Variants in EYS observed in about 807,000 individuals in gnomAD.
EYS encodes protein eyes shut homolog.
EYS carries 250 observed loss-of-function variants against 282.1 expected under a neutral mutation model. The observed-to-expected ratio is 0.89, with a 90% CI of 0.80 to 0.98. The LOEUF (loss-of-function observed/expected upper bound fraction) is 0.98. Ranked by LOEUF, EYS falls within the 50% of genes least tolerant of loss-of-function variation. The probability of loss-of-function intolerance (pLI) is 0.00; values close to 1 mark genes in which losing one functional copy is unlikely to be tolerated. For synonymous variants in EYS, 1,355 were observed against 1,282.9 expected (o/e 1.06, Z -1.20); for missense variants, 4,016 against 3,709.0 (o/e 1.08, Z -2.15).
chr6:64,843,374 A>G (rs1765623558), intron 19 of EYS, among the ~76,000 whole-genome samples: 1 of 152,140 alleles, frequency 6.6e-6, no homozygotes, highest in Non-Finnish European at 1.5e-5. Flanking sequence ...CAGACACTCA[A>G]TGCCAGCCTG....
In EYS at chr6:65,198,067, T is replaced by G. The variant is rs1765812162; in HGVS notation, c.2023+97796A>C. Among the ~76,000 whole-genome samples the G allele has an allele frequency of 2.0e-5, 3 of 152,250 alleles. No individual in the cohort carries two copies. In the South Asian group the frequency reaches 6.2e-4, roughly 32 times the overall value. ...ACATTGTACAGCTCTCCAAAAATAT[T>G]TAATTTATTTATATAGGCTTTTTTC... On this transcript the variant is annotated intron_variant, in intron 12 of 42. Coordinates refer to ENST00000503581, the MANE Select transcript of EYS (RefSeq NM_001142800.2).
chr6:64,864,080 TA>T (rs1766335412), intron 19 of EYS, among the ~76,000 whole-genome samples: 1 of 152,150 alleles, frequency 6.6e-6, no homozygotes, highest in Non-Finnish European at 1.5e-5. Context: ...GAAAAGCCTT[TA>T]AAATATATTT....
intron 12 of EYS, among the ~76,000 whole-genome samples, chr6:65,099,532 G>A (rs1003724148): frequency 6.6e-6 from 1 of 150,650 alleles, no homozygotes; most frequent in African/African-American, 2.4e-5. Context: ...TAAAAAAGTA[G>A]ATGAATGGCA....
chr6:63,908,608 G>C (rs1320386928), intron 35 of EYS, among the ~76,000 whole-genome samples: 2 of 151,690 alleles, frequency 1.3e-5, no homozygotes, highest in Non-Finnish European at 2.9e-5. Context: ...CCACCACCAC[G>C]CTCGGCTAAT....
At chr6:65,151,995 T>A (rs188221198) in intron 12 of EYS, among the ~76,000 whole-genome samples, 8 of 152,046 alleles carry the variant, frequency 5.3e-5, no homozygotes, top group Admixed American at 4.6e-4. Context: ...ATTAAAGAGA[T>A]CAATGTTAGT....
intron 31 of EYS, among the ~76,000 whole-genome samples, chr6:64,083,878 C>T (rs1582244215): frequency 6.6e-6 from 1 of 152,092 alleles, no homozygotes; most frequent in Admixed American, 6.6e-5. Flanking sequence ...GCTGGGATTA[C>T]AGTCATGTGC....
At chr6:63,841,322 G>C (rs1771951870) in intron 36 of EYS, among the ~76,000 whole-genome samples, 1 of 152,000 alleles carries the variant, frequency 6.6e-6, no homozygotes, top group African/African-American at 2.4e-5. Context: ...ATATTCATGG[G>C]ATTCAGAGTA....
Position 64,638,339 on chromosome 6 carries a change from C to G in EYS, c.3444-12094G>C, listed in dbSNP as rs1460663569. On this transcript the variant is annotated intron_variant, in intron 22 of 42. Transcript: ENST00000503581. The stretch of plus-strand genomic sequence containing the variant: ...TTGTTCCTTTCTAAAGAAGCTATGA[C>G]TAGACTCTCTATTAAATCTAAAATA... Among the ~76,000 whole-genome samples, 2 of 90,780 alleles carry G rather than the reference C, an allele frequency of 2.2e-5. 1 individual carries two copies. The highest frequency in any genetic ancestry group is 0.011 in the Middle Eastern group (2 of 188). The allele number at this position is 90,780 out of a possible 152,430, so 59.6% of individuals were successfully genotyped here.
At chr6:65,651,798 T>A (rs73742030) in intron 1 of EYS, among the ~76,000 whole-genome samples, 7,893 of 152,120 alleles carry the variant, frequency 0.052, 643 homozygotes, top group African/African-American at 0.17. Flanking sequence ...GCTGTAGTTG[T>A]GTAACCAGTC....
intron 29 of EYS, among the ~76,000 whole-genome samples, chr6:64,328,171 T>G (rs1400450149): frequency 6.6e-6 from 1 of 152,210 alleles, no homozygotes; most frequent in Admixed American, 6.5e-5. Flanking sequence ...GCAGTCCATT[T>G]CCTAATTCAC....
chr6:63,938,202 A>G (rs1454659661), intron 35 of EYS, among the ~76,000 whole-genome samples: 2 of 152,240 alleles, frequency 1.3e-5, no homozygotes, highest in South Asian at 2.1e-4. Flanking sequence ...CTAATGCTAC[A>G]GGAATAACGC....
At chr6:63,944,964 G>T (rs927968933) in intron 35 of EYS, among the ~76,000 whole-genome samples, 17 of 151,560 alleles carry the variant, frequency 1.1e-4, no homozygotes, top group Non-Finnish European at 2.1e-4. Context: ...AATAAAAGAA[G>T]TATATTTACA....
At chr6:64,338,906 G>T (rs1340118530) in intron 29 of EYS, among the ~76,000 whole-genome samples, 1 of 151,958 alleles carries the variant, frequency 6.6e-6, no homozygotes, top group African/African-American at 2.4e-5. Flanking sequence ...TTTAACAAAT[G>T]GTGCTGAGAT....
chr6:64,358,907 T>A (rs1175753819), intron 29 of EYS, among the ~76,000 whole-genome samples: 2 of 151,730 alleles, frequency 1.3e-5, no homozygotes, highest in Non-Finnish European at 3.0e-5. Context: ...TGATCATCCA[T>A]AATTTTGTCA....
chr6:65,630,193 T>G (rs1766862846), intron 2 of EYS, among the ~76,000 whole-genome samples: 1 of 152,222 alleles, frequency 6.6e-6, no homozygotes, highest in Admixed American at 6.5e-5. Context: ...TCACTGTGGT[T>G]GTCTTGTGTC....
rs962845552 is a variant in EYS at position 65,560,380 on chromosome 6, T to C, written c.-332-64387A>G. Among the ~76,000 whole-genome samples the C allele has an allele frequency of 4.8e-5, 7 of 146,742 alleles. No individual in the cohort carries two copies. In the East Asian group the frequency reaches 1.4e-3, roughly 29 times the overall value. ...TATAACATAAAATAATACATTATTA[T>C]ATATTGTATATAATATATAACATAA... On this transcript the variant is annotated intron_variant, in intron 2 of 42. Transcript: ENST00000503581.
intron 12 of EYS, among the ~76,000 whole-genome samples, chr6:65,088,270 T>C (rs907499283): frequency 2.0e-5 from 3 of 151,824 alleles, no homozygotes; most frequent in African/African-American, 7.3e-5. Context: ...AACTGGGCAA[T>C]AGGAAGAGGT....
At chr6:65,704,466 A>G (rs1156507105) in intron 1 of EYS, among the ~76,000 whole-genome samples, 1 of 152,240 alleles carries the variant, frequency 6.6e-6, no homozygotes, top group Non-Finnish European at 1.5e-5. Flanking sequence ...CAACAAGTTC[A>G]GTTACAATTA....
intron 2 of EYS, among the ~76,000 whole-genome samples, chr6:65,525,055 A>AT (rs35986893): frequency 0.35 from 50,811 of 146,182 alleles, 8,753 homozygotes; most frequent in Middle Eastern, 0.47. Flanking sequence ...TTCTAAACTG[A>AT]TTTTTTTTTT....
Sources: allele counts gnomAD v4.1 joint callset (sites outside exome capture counted in the v4.1 genomes callset), GRCh38; gene constraint gnomAD v4.1.1; transcripts MANE v1.5; gene names NCBI Gene and HGNC (gene_info 2026-07-23, HGNC 2026-07-21).